LBHD1: variants seen among roughly 807,000 people sequenced by gnomAD.
LBHD1 encodes the protein LBH domain-containing protein 1.
LBHD1 carries 28 observed loss-of-function variants against 31.1 expected under a neutral mutation model. The ratio of observed to expected loss-of-function variants is 0.90; its 90% CI spans 0.67 to 1.24. The LOEUF (loss-of-function observed/expected upper bound fraction) is 1.24, where lower values mean the gene tolerates loss of function less well. Ranked by LOEUF, LBHD1 falls within the 50% of genes most tolerant of loss-of-function variation. The probability of loss-of-function intolerance (pLI) is 0.00; values close to 1 mark genes in which losing one functional copy is unlikely to be tolerated. For missense variants in LBHD1, 350 were observed against 323.0 expected (o/e 1.08, Z -0.64); for synonymous variants, 105 against 116.5 (o/e 0.90, Z 0.63).
At chr11:62,666,629 G>C (rs771555436) in intron 4 of LBHD1, 1 of 1,614,214 alleles carries the variant, frequency 6.2e-7, no homozygotes, top group South Asian at 1.1e-5. Context: ...TCCACACCCA[G>C]TGGATGTGCT....
At chr11:62,665,300 G>A (rs1007577564) in intron 4 of LBHD1, 13 of 709,564 alleles carry the variant, frequency 1.8e-5, no homozygotes, top group Admixed American at 9.9e-5. Flanking sequence ...GGAGCTCCGC[G>A]GTGCGGGAGG....
At position 62,663,413 on chromosome 11, in the gene LBHD1, A is replaced by G. The variant is rs1390811543; in HGVS notation, c.664-80T>C. On this transcript the variant is annotated intron_variant, in intron 5 of 6. Coordinates refer to ENST00000354588, the MANE Select transcript of LBHD1 (RefSeq NM_024099.5). ...ACACAAATAGTTCTGGCTATAGAAA[A>G]AGTATTAAATAGGCTGGGCGCAGTG... The G allele has an allele frequency of 2.7e-6, 4 of 1,458,704 alleles. No homozygotes were observed. The East Asian group carries it at 9.1e-5, about 33-fold the overall frequency. 90.4% of individuals were successfully genotyped at this position (1,458,704 alleles called of 1,614,324 possible).
At chr11:62,669,328 C>A (rs185602520) in intron 3 of LBHD1, 1 of 898,046 alleles carries the variant, frequency 1.1e-6, no homozygotes, top group African/African-American at 1.8e-5. Context: ...ACCCAGGAGG[C>A]GGAGCTTGCA....
At chr11:62,666,088 C>A in intron 4 of LBHD1, 4 of 1,006,854 alleles carry the variant, frequency 4.0e-6, no homozygotes, top group Non-Finnish European at 5.8e-6. Flanking sequence ...TGGCTCACGG[C>A]TGTAATGCTA....
chr11:62,670,417 A>G (rs560685545), intron 1 of LBHD1: 1 of 198,044 alleles, frequency 5.0e-6, no homozygotes, highest in Non-Finnish European at 1.0e-5. Flanking sequence ...GAGCTGTTTT[A>G]ATTGCTTTAC....
chr11:62,671,483 C>T (rs1565131002), intron 1 of LBHD1, 81 bp downstream of exon 1: 1 of 1,358,014 alleles, frequency 7.4e-7, no homozygotes. Flanking sequence ...GCAATCCCAC[C>T]CCGGAATTGA....
Position 62,669,881 on chromosome 11 carries a change from C to T in LBHD1, c.150+1G>A. On this transcript the variant is annotated splice_donor_variant, in intron 2 of 6. Coordinates refer to ENST00000354588, the MANE Select transcript of LBHD1 (RefSeq NM_024099.5). LOFTEE classifies it high-confidence loss of function. ...CAGACACAGGCTGAGGAAGTACTAACCTGAATGTGCTGGTGACCTTCAACC... is the reference window on the plus strand; with the variant it reads ...CAGACACAGGCTGAGGAAGTACTAATCTGAATGTGCTGGTGACCTTCAACC... The T allele has an allele frequency of 6.2e-7, 1 of 1,614,212 alleles. No homozygotes were observed. Among genetic ancestry groups the T allele is most frequent in the Non-Finnish European group, 8.5e-7 (1 of 1,180,050 alleles).
At position 62,669,972 on chromosome 11, in the gene LBHD1, G is replaced by A. The variant is rs1213098493; in HGVS notation, c.60C>T (p.Gly20=). The change falls in exon 2 of 7, where the codon GGC becomes GGT. Residue 20 remains glycine (G), a synonymous_variant. Transcript: ENST00000354588. ...EDGLWTRNSP[G]SSQHPESPRL... ...TGGGACTTTCTGGATGCTGGGAGGA[G>A]CCTGGGCTATTTCTAGTCCAAAGCC... 1.9e-6 allele frequency: 3 copies of A among 1,614,050 alleles called. No individual in the cohort carries two copies. Among genetic ancestry groups the A allele is most frequent in the Admixed American group, 3.3e-5 (2 of 60,024 alleles).
intron 5 of LBHD1, among the ~76,000 whole-genome samples, chr11:62,664,082 G>GAAAAAAAAAAAAAAAAAAAA (rs71056540): frequency 1.5e-5 from 1 of 65,944 alleles, no homozygotes; most frequent in Admixed American, 1.9e-4. Flanking sequence ...CAAAAAAGAG[G>GAAAAAAAAAAAAAAAAAAAA]AAAAAAAAAA....
At chr11:62,665,226 G>T in intron 4 of LBHD1, 1 of 779,488 alleles carries the variant, frequency 1.3e-6, no homozygotes, top group Non-Finnish European at 2.2e-6. Context: ...CGGATCCGCG[G>T]GGCTCCGCCC....
intron 4 of LBHD1, chr11:62,665,429 T>C (rs1944776301): frequency 1.3e-6 from 2 of 1,536,822 alleles, no homozygotes; most frequent in Non-Finnish European, 1.8e-6. Flanking sequence ...GACCCTCCTT[T>C]TCTTGGCGGG....
intron 3 of LBHD1, among the ~76,000 whole-genome samples, chr11:62,669,166 C>T (rs1039087362): frequency 3.9e-5 from 6 of 152,052 alleles, no homozygotes; most frequent in African/African-American, 1.4e-4. Flanking sequence ...GTGATCTGCC[C>T]GCCTCAGCCT....
chr11:62,667,450 A>G (rs753440716), intron 4 of LBHD1, 73 bp downstream of exon 4: 1 of 1,482,330 alleles, frequency 6.7e-7, no homozygotes, highest in Non-Finnish European at 9.4e-7. Flanking sequence ...GTAAAAGGAG[A>G]TTGTAAGAGG....
In LBHD1 at chr11:62,671,635, G is replaced by A. The variant is rs965476911; in HGVS notation, c.-82C>T. On this transcript the variant is annotated 5_prime_UTR_variant, in exon 1 of 7. Coordinates refer to ENST00000354588, the MANE Select transcript of LBHD1 (RefSeq NM_024099.5). ...CTCTCTAGCCGGCCGCTTATCTATG[G>A]TTTCTGCTATAGGGCGCTCTAGCCT... is the stretch of plus-strand genomic sequence containing the variant. 9 of 1,519,272 alleles carry A rather than the reference G, an allele frequency of 5.9e-6. No homozygotes were observed. The highest frequency in any genetic ancestry group is 7.9e-6 in the Non-Finnish European group (9 of 1,139,824). The allele number at this position is 1,519,272 out of a possible 1,614,324, so 94.1% of individuals were successfully genotyped here. A position where few individuals can be genotyped will look rare whatever the true frequency, so the allele number is the denominator to read the frequency against.
In LBHD1 at chr11:62,666,588, C is replaced by T. The variant is rs200276860; in HGVS notation, c.538+935G>A. On this transcript the variant is annotated intron_variant, in intron 4 of 6. Transcript: ENST00000354588. The stretch of plus-strand genomic sequence containing the variant: ...GTGCTGGATGTGGGCTGTGGGACTT[C>T]CAGCCTATGTACAGGCCTCTACACC... 7.8e-5 allele frequency: 126 copies of T among 1,614,150 alleles called. No individual in the cohort carries two copies. In the East Asian group the frequency reaches 2.7e-3, roughly 35 times the overall value.
In LBHD1 at chr11:62,669,797, A is replaced by C; in HGVS notation, c.157T>G (p.Ser53Ala). The C allele has an allele frequency of 1.2e-6, 2 of 1,614,210 alleles. No homozygotes were observed. The highest frequency in any genetic ancestry group is 1.7e-6 in the Non-Finnish European group (2 of 1,180,034). The change falls in exon 3 of 7, where the codon TCT becomes GCT. Residue 53 changes from serine to alanine, a missense_variant. Coordinates refer to ENST00000354588, the MANE Select transcript of LBHD1 (RefSeq NM_024099.5). ...ATAGACGGCAGATGGGACTTTTGAG[A>C]GAAATCCTGAATAGGGACAGCAGGG... ...VEGHQHIQDF[S>A]QKSHLPSIVV...
At chr11:62,667,026 C>CT in intron 4 of LBHD1, 1 of 1,606,876 alleles carries the variant, frequency 6.2e-7, no homozygotes, top group Admixed American at 1.7e-5. Flanking sequence ...ACCTACTTTG[C>CT]TTACTTGATT....
Position 62,671,949 on chromosome 11 carries a change from T to G in LBHD1, c.-396A>C, listed in dbSNP as rs769278379. 1.2e-6 allele frequency: 2 copies of G among 1,613,754 alleles called. No individual in the cohort carries two copies. The highest frequency in any genetic ancestry group is 1.7e-6 in the Non-Finnish European group (2 of 1,179,978). On this transcript the variant is annotated 5_prime_UTR_variant, in exon 1 of 7. Coordinates refer to ENST00000354588, the MANE Select transcript of LBHD1 (RefSeq NM_024099.5). Reference sequence around the variant, plus strand: ...CTCCTGCGAACTCCCCTTCCTGCCCTCAGGAGATGCCACTGCAGGACCCAA... The same window carrying G: ...CTCCTGCGAACTCCCCTTCCTGCCCGCAGGAGATGCCACTGCAGGACCCAA...
intron 4 of LBHD1, chr11:62,666,634 T>C: frequency 6.2e-7 from 1 of 1,614,140 alleles, no homozygotes; most frequent in Non-Finnish European, 8.5e-7. Context: ...ACCCAGTGGA[T>C]GTGCTGGGGG....
Sources: gnomAD v4.1 joint callset for allele counts (sites outside exome capture counted in the v4.1 genomes callset) on GRCh38, gnomAD v4.1.1 for gene constraint, MANE v1.5 for transcripts, NCBI Gene and HGNC (gene_info 2026-07-23, HGNC 2026-07-21) for gene names.